The following IARS2 variants were observed in gnomAD, a reference collection of about 807,000 sequenced individuals.
IARS2 encodes the protein isoleucine--tRNA ligase, mitochondrial.
IARS2 carries 56 observed loss-of-function variants against 126.3 expected under a neutral mutation model. The observed-to-expected ratio is 0.44, with a 90% CI of 0.36 to 0.55. The LOEUF (loss-of-function observed/expected upper bound fraction) is 0.55, where lower values mean the gene tolerates loss of function less well. Among genes scored for constraint, IARS2 ranks in the 20% least tolerant of loss-of-function variants. The probability of loss-of-function intolerance (pLI) is 0.00; values close to 1 mark genes in which losing one functional copy is unlikely to be tolerated. For synonymous variants in IARS2, 407 were observed against 441.1 expected, an observed-to-expected ratio of 0.92 and a Z score of 0.97; for missense variants, 1,127 against 1,245.9, an observed-to-expected ratio of 0.90 and a Z score of 1.44.
chr1:220,101,977 C>G (rs879643330), intron 3 of IARS2, 152 bp from the exon 4 acceptor site: 21 of 670,076 alleles, frequency 3.1e-5, no homozygotes, highest in Non-Finnish European at 4.3e-5. Flanking sequence ...CGCCACTGCA[C>G]TCTAGCCTGG....
At chr1:220,111,596 A>ATG (rs1348774206) in intron 11 of IARS2, among the ~76,000 whole-genome samples, 223 of 133,330 alleles carry the variant, frequency 1.7e-3, no homozygotes, top group South Asian at 8.2e-3. Context: ...ATATATATAT[A>ATG]TATGTGTGTG....
In IARS2 at chr1:220,094,241, G is replaced by C; in HGVS notation, c.25G>C (p.Gly9Arg). 6.3e-7 allele frequency: 1 copy of C among 1,595,532 alleles called. No homozygotes were observed. Among genetic ancestry groups the C allele is most frequent in the Non-Finnish European group, 8.5e-7 (1 of 1,171,532 alleles). Residue 9 changes from glycine to arginine, a missense_variant, in exon 1 of 23, where the codon GGG becomes CGG. Coordinates refer to ENST00000366922, the MANE Select transcript of IARS2 (RefSeq NM_018060.4). Reference sequence around the variant, plus strand: ...CATGCGTTGGGGGCTGCGCCCTCGCGGGCCGGGCGCGGCCGCCCTGGCCAC... The same window carrying C: ...CATGCGTTGGGGGCTGCGCCCTCGCCGGCCGGGCGCGGCCGCCCTGGCCAC... MRWGLRPR[G>R]PGAAALATAR...
intron 11 of IARS2, among the ~76,000 whole-genome samples, chr1:220,113,064 C>A (rs1558123410): frequency 6.6e-6 from 1 of 152,084 alleles, no homozygotes; most frequent in Non-Finnish European, 1.5e-5. Context: ...GGAGTTTCTC[C>A]ATGTTGGCCA....
chr1:220,121,245 AAAAC>A (rs1213840057), intron 12 of IARS2, among the ~76,000 whole-genome samples: 1 of 152,222 alleles, frequency 6.6e-6, no homozygotes, highest in Non-Finnish European at 1.5e-5. Context: ...AGCTAAAAGA[AAAAC>A]AAAAAACCTT....
Position 220,102,251 on chromosome 1 carries a change from A to T in IARS2, c.673A>T (p.Arg225Ter). The T allele has an allele frequency of 6.2e-7, 1 of 1,608,842 alleles. No homozygotes were observed. The highest frequency in any genetic ancestry group is 8.5e-7 in the Non-Finnish European group (1 of 1,178,836). Residue 225 changes from arginine (R) to a stop codon, truncating the protein, a stop_gained, in exon 4 of 23, where the codon AGA becomes TGA. Coordinates refer to ENST00000366922, the MANE Select transcript of IARS2 (RefSeq NM_018060.4). LOFTEE classifies it high-confidence loss of function. ...FDGKYEAKQL[R>*]TFYQMYDKGL... ...TGGGAAGTATGAAGCCAAACAGTTG[A>T]GAACTTTTTACCAAATGTATGATAA...
rs755614129 is a variant in IARS2 at position 220,094,491 on chromosome 1, C to A, written c.267+8C>A. On this transcript the variant is annotated splice_region_variant and intron_variant, in intron 1 of 22. Coordinates refer to ENST00000366922, the MANE Select transcript of IARS2 (RefSeq NM_018060.4). ...GAGCTGGAGATCCAGCAGGTACGGG[C>A]CCCGCCTCGGCGCGGGGCCTCCAGA... 4.7e-5 allele frequency: 75 copies of A among 1,584,822 alleles called. No homozygotes were observed. In the East Asian group the frequency reaches 1.7e-3, roughly 36 times the overall value.
In IARS2 at chr1:220,134,440, G is replaced by C; in HGVS notation, c.1876G>C (p.Asp626His). The C allele has an allele frequency of 1.2e-6, 2 of 1,613,134 alleles. No individual in the cohort carries two copies. The highest frequency in any genetic ancestry group is 1.7e-6 in the Non-Finnish European group (2 of 1,179,656). ...AGCAGATTTGTACTTGGAAGGAAAA[G>C]ACCAGCTCGGGGGTTGGTTTCAGTC... ...QRADLYLEGK[D>H]QLGGWFQSSL... Residue 626 changes from aspartate to histidine, a missense_variant, in exon 15 of 23, where the codon GAC (aspartate) becomes CAC (histidine). By Grantham distance (81) the Asp-to-His change is moderately conservative (BLOSUM62 -1). Transcript: ENST00000366922.
intron 14 of IARS2, among the ~76,000 whole-genome samples, chr1:220,131,493 AG>A (rs905793286): frequency 9.9e-5 from 13 of 131,464 alleles, no homozygotes; most frequent in Middle Eastern, 4.3e-3. Context: ...CTGTGACTAC[AG>A]GCATGAGCCA....
intron 12 of IARS2, among the ~76,000 whole-genome samples, chr1:220,117,574 C>T (rs1265481892): frequency 6.6e-6 from 1 of 151,908 alleles, no homozygotes; most frequent in Non-Finnish European, 1.5e-5. Flanking sequence ...GTGGGGATTC[C>T]TTGGTGGAAT....
chr1:220,100,260 A>G (rs1457686679), intron 2 of IARS2, among the ~76,000 whole-genome samples: 1 of 152,220 alleles, frequency 6.6e-6, no homozygotes, highest in African/African-American at 2.4e-5. Context: ...TTCTTAGCTC[A>G]ATATAAATAA....
chr1:220,103,589 A>G (rs1467928545), intron 8 of IARS2, 27 bp downstream of exon 8: 5 of 1,395,292 alleles, frequency 3.6e-6, no homozygotes, highest in Admixed American at 1.7e-5. Context: ...ATCTGACAAC[A>G]TAGTCATCAA....
intron 1 of IARS2, 35 bp from the exon 2 acceptor site, chr1:220,096,069 A>G: frequency 1.7e-6 from 2 of 1,207,508 alleles, no homozygotes; most frequent in Non-Finnish European, 2.4e-6. Context: ...ATGTATTTAT[A>G]TGATGTTTAG....
chr1:220,123,167 G>A (rs190508476), intron 12 of IARS2, among the ~76,000 whole-genome samples: 3 of 150,422 alleles, frequency 2.0e-5, no homozygotes, highest in Admixed American at 1.3e-4. Context: ...AACTGAAAAT[G>A]TTCTGGACAA....
intron 1 of IARS2, 69 bp from the exon 2 acceptor site, chr1:220,096,035 T>C (rs1235126743): frequency 1.2e-6 from 1 of 853,340 alleles, no homozygotes; most frequent in Non-Finnish European, 1.8e-6. Context: ...GTGTTGGCTG[T>C]TATTTATGGT....
At chr1:220,130,779 G>C (rs58966246) in intron 14 of IARS2, among the ~76,000 whole-genome samples, 7,884 of 152,196 alleles carry the variant, frequency 0.052, 252 homozygotes, top group East Asian at 0.11. Flanking sequence ...GGATGGGGTA[G>C]GGGTTTATTT....
chr1:220,116,817 G>T (rs1158053277), intron 12 of IARS2, among the ~76,000 whole-genome samples: 7 of 151,990 alleles, frequency 4.6e-5, no homozygotes, highest in Non-Finnish European at 1.0e-4. Context: ...TGTGATCTTG[G>T]CTCACTACAA....
At position 220,141,844 on chromosome 1, in the gene IARS2, G is replaced by A; in HGVS notation, c.2456G>A (p.Cys819Tyr). ...GAAAATGACCCCAAACGACGCTCTT[G>A]TCAGACTGCATTAGTTGAAATTTTG... ...EKENDPKRRS[C>Y]QTALVEILDV... is the part of the protein sequence containing the mutation. The change falls in exon 20 of 23, where the codon TGT becomes TAT. Residue 819 changes from cysteine to tyrosine, a missense_variant. By Grantham distance (194) the Cys-to-Tyr change is radical. Transcript: ENST00000366922. 6.2e-7 allele frequency: 1 copy of A among 1,614,164 alleles called. No individual in the cohort carries two copies. Among genetic ancestry groups the A allele is most frequent in the Non-Finnish European group, 8.5e-7 (1 of 1,180,016 alleles).
chr1:220,117,661 T>G (rs137892351), intron 12 of IARS2, among the ~76,000 whole-genome samples: 1 of 152,268 alleles, frequency 6.6e-6, no homozygotes, highest in African/African-American at 2.4e-5. Context: ...TACATCCTGA[T>G]AATTAAATGG....
chr1:220,106,036 A>G lies in IARS2; in HGVS notation c.1212A>G (p.Val404=). The G allele has an allele frequency of 6.2e-7, 1 of 1,613,872 alleles. No individual in the cohort carries two copies. The highest frequency in any genetic ancestry group is 8.5e-7 in the Non-Finnish European group (1 of 1,179,810). ...CTCATGGTATGGAAGACTACGGTGT[A>G]GCGTCTCAGCACAACCTGCCCATGG... The part of the protein sequence containing the change: ...APAHGMEDYG[V]ASQHNLPMDC... The change falls in exon 9 of 23, where the codon GTA becomes GTG. Residue 404 remains valine, a synonymous_variant. Transcript: ENST00000366922.
Sources: allele counts gnomAD v4.1 joint callset (sites outside exome capture counted in the v4.1 genomes callset), GRCh38; gene constraint gnomAD v4.1.1; transcripts MANE v1.5; gene names NCBI Gene and HGNC (gene_info 2026-07-23, HGNC 2026-07-21).